Variants in RPS27L observed in about 807,000 individuals in gnomAD.
The protein encoded by RPS27L is ribosomal protein S27 like, also known as ribosomal protein eS27-like.
A neutral mutation model predicts 12.8 loss-of-function variants in RPS27L; 10 were observed. The ratio of observed to expected loss-of-function variants is 0.78; its 90% confidence interval spans 0.48 to 1.33. RPS27L has a LOEUF of 1.33. Among genes scored for constraint, RPS27L ranks in the 40% most tolerant of loss-of-function variants. RPS27L has a pLI of 0.00. For missense variants in RPS27L, 81 were observed against 97.4 expected (o/e 0.83, Z 0.71); for synonymous variants, 26 against 32.3 (o/e 0.81, Z 0.66).
Position 63,155,296 on chromosome 15 carries a change from A to T in RPS27L, c.226+325T>A, listed in dbSNP as rs147945039. On this transcript the variant is annotated intron_variant, in intron 3 of 3. Coordinates refer to ENST00000330964, the MANE Select transcript of RPS27L (RefSeq NM_015920.4). ...GAGCGAGACTCCTAATAAAAAAAAA[A>T]AATAATAAATAAATAAATAAATAAA... 5.5e-3 allele frequency: 1,224 copies of T among 220,996 alleles called. 12 individuals are homozygous for T. The highest frequency in any genetic ancestry group is 0.024 in the Middle Eastern group (16 of 672). 13.7% of individuals were successfully genotyped at this position (220,996 alleles called of 1,614,324 possible). A position where few individuals can be genotyped will look rare whatever the true frequency, so the allele number is the denominator to read the frequency against.
chr15:63,157,415 C>G lies in RPS27L; in HGVS notation c.-10G>C. ...AACAACTCACAGGCATGTTGATCCT[C>G]TTGCAAGCTCAGCCCTACCAGACCT... On this transcript the variant is annotated 5_prime_UTR_variant, in exon 1 of 4. Transcript: ENST00000330964. 1 of 1,614,172 alleles carries G rather than the reference C, an allele frequency of 6.2e-7. No individual in the cohort carries two copies. The highest frequency in any genetic ancestry group is 8.5e-7 in the Non-Finnish European group (1 of 1,179,990).
At position 63,153,832 on chromosome 15, in the gene RPS27L, TA is replaced by T. The variant is rs2037315701; in HGVS notation, c.*199del. The T allele has an allele frequency of 3.5e-6, 2 of 569,416 alleles. No individual in the cohort carries two copies. Among genetic ancestry groups the T allele is most frequent in the South Asian group, 2.6e-5 (1 of 38,832 alleles). The allele number at this position is 569,416 out of a possible 1,614,324, so 35.3% of individuals were successfully genotyped here. ...ATGTATGGCATACTCAAATATATTT[TA>T]AAAAAAGAAAAAGAGGGGATTTGCC... On this transcript the variant is annotated 3_prime_UTR_variant, in exon 4 of 4. Transcript: ENST00000330964.
At chr15:63,154,861 T>G (rs1323522146) in intron 3 of RPS27L, 1 of 152,022 alleles carries the variant, frequency 6.6e-6, no homozygotes. Flanking sequence ...AAGTAAAATC[T>G]CTGGCATTTT....
rs2037288433 is a variant in RPS27L at position 63,149,808 on chromosome 15, C to T, written c.*4224G>A. ...CTTTATTTGGCCGGATGCAGTGGCT[C>T]ACACCTGTAATGCCAGCACTTTGGG... On this transcript the variant is annotated 3_prime_UTR_variant, in exon 4 of 4. Transcript: ENST00000330964. 6.6e-6 allele frequency: 1 copy of T among 152,188 alleles called. No individual in the cohort carries two copies. Among genetic ancestry groups the T allele is most frequent in the Non-Finnish European group, 1.5e-5 (1 of 68,078 alleles). 9.4% of individuals were successfully genotyped at this position (152,188 alleles called of 1,614,324 possible).
intron 1 of RPS27L, 127 bp downstream of exon 1, chr15:63,157,273 G>A: frequency 2.8e-6 from 3 of 1,076,294 alleles, no homozygotes; most frequent in Admixed American, 3.7e-5. Context: ...CGAAGACGCT[G>A]CGCAACCTGA....
Position 63,150,790 on chromosome 15 carries a change from A to T in RPS27L, c.*3242T>A, listed in dbSNP as rs1050401792. ...CAAGTAGCTGGGACTACAGGCGCCC[A>T]CCACCATGCCCGGCTAATTTTTTGT... On this transcript the variant is annotated 3_prime_UTR_variant, in exon 4 of 4. Transcript: ENST00000330964. The T allele has an allele frequency of 1.3e-5, 2 of 152,012 alleles. No homozygotes were observed. Among genetic ancestry groups the T allele is most frequent in the Non-Finnish European group, 2.9e-5 (2 of 68,036 alleles). The allele number at this position is 152,012 out of a possible 1,614,324, so 9.4% of individuals were successfully genotyped here.
chr15:63,150,880 T>A lies in RPS27L; in HGVS notation c.*3152A>T, dbSNP rs1566996683. 1 of 152,224 alleles carries A rather than the reference T, an allele frequency of 6.6e-6. No individual in the cohort carries two copies. Among genetic ancestry groups the A allele is most frequent in the Non-Finnish European group, 1.5e-5 (1 of 68,060 alleles). The allele number at this position is 152,224 out of a possible 1,614,324, so 9.4% of individuals were successfully genotyped here. On this transcript the variant is annotated 3_prime_UTR_variant, in exon 4 of 4. Coordinates refer to ENST00000330964, the MANE Select transcript of RPS27L (RefSeq NM_015920.4). ...TGGTCTCGATCTCCTGACCTCGTGA[T>A]CCACCCGCCTCGGCCTCCCAAAGTG...
At chr15:63,154,674 A>G (rs2037320350) in intron 3 of RPS27L, 1 of 152,208 alleles carries the variant, frequency 6.6e-6, no homozygotes, top group Non-Finnish European at 1.5e-5. Context: ...TTCCAGTGAG[A>G]GCATGGAACT....
chr15:63,156,895 G>A (rs1457398238), intron 1 of RPS27L: 1 of 419,246 alleles, frequency 2.4e-6, no homozygotes, highest in African/African-American at 2.1e-5. Flanking sequence ...AAGTAGACCA[G>A]ACAACGTCAG....
intron 2 of RPS27L, 64 bp downstream of exon 2, chr15:63,156,349 A>G (rs148844168): frequency 8.6e-6 from 7 of 815,350 alleles, no homozygotes; most frequent in Middle Eastern, 3.7e-4. Context: ...TTAACTATAC[A>G]CACCACACTA....
In RPS27L at chr15:63,153,865, C is replaced by G. The variant is rs2037315866; in HGVS notation, c.*167G>C. The stretch of plus-strand genomic sequence containing the variant: ...GAAAAAGAGGGGATTTGCCCATAAT[C>G]AAAACTTTATTGAAAAACTGACACC... On this transcript the variant is annotated 3_prime_UTR_variant, in exon 4 of 4. Transcript: ENST00000330964. 1.7e-6 allele frequency: 1 copy of G among 603,444 alleles called. No individual in the cohort carries two copies. The highest frequency in any genetic ancestry group is 3.0e-6 in the Non-Finnish European group (1 of 336,552). The allele number at this position is 603,444 out of a possible 1,614,324, so 37.4% of individuals were successfully genotyped here. A position where few individuals can be genotyped will look rare whatever the true frequency, so the allele number is the denominator to read the frequency against.
Position 63,150,570 on chromosome 15 carries a change from AG to A in RPS27L, c.*3461del, listed in dbSNP as rs1401590674. 1 of 152,256 alleles carries A rather than the reference AG, an allele frequency of 6.6e-6. No individual in the cohort carries two copies. The highest frequency in any genetic ancestry group is 6.5e-5 in the Admixed American group (1 of 15,286). The allele number at this position is 152,256 out of a possible 1,614,324, so 9.4% of individuals were successfully genotyped here. On this transcript the variant is annotated 3_prime_UTR_variant, in exon 4 of 4. Transcript: ENST00000330964. ...ATTAGAGCTTTATCAGATGACTTAC[AG>A]GAACGACCAGACACAAAACCATTTG...
In RPS27L at chr15:63,149,448, T is replaced by C. The variant is rs1302264866; in HGVS notation, c.*4584A>G. On this transcript the variant is annotated 3_prime_UTR_variant, in exon 4 of 4. Coordinates refer to ENST00000330964, the MANE Select transcript of RPS27L (RefSeq NM_015920.4). ...CCGGCGTGGTGGCACACGCCTGTAGTCTCAGGTACTCTGGAGGCTGAGGCA... is the reference window on the plus strand; with the variant it reads ...CCGGCGTGGTGGCACACGCCTGTAGCCTCAGGTACTCTGGAGGCTGAGGCA... 6.6e-6 allele frequency: 1 copy of C among 151,532 alleles called. No homozygotes were observed. The highest frequency in any genetic ancestry group is 1.5e-5 in the Non-Finnish European group (1 of 67,984). 9.4% of individuals were successfully genotyped at this position (151,532 alleles called of 1,614,324 possible). A position where few individuals can be genotyped will look rare whatever the true frequency, so the allele number is the denominator to read the frequency against.
rs1445077311 is a variant in RPS27L at position 63,151,643 on chromosome 15, A to T, written c.*2389T>A. On this transcript the variant is annotated 3_prime_UTR_variant, in exon 4 of 4. Coordinates refer to ENST00000330964, the MANE Select transcript of RPS27L (RefSeq NM_015920.4). ...ATAGGTTTGATTCCTTCTCATCAAA[A>T]GCTGTCATCCCACTGTCTCTCCTTA... is the stretch of plus-strand genomic sequence containing the variant. 6.6e-6 allele frequency: 1 copy of T among 152,198 alleles called. No homozygotes were observed. The highest frequency in any genetic ancestry group is 2.4e-5 in the African/African-American group (1 of 41,462). 9.4% of individuals were successfully genotyped at this position (152,198 alleles called of 1,614,324 possible). A position where few individuals can be genotyped will look rare whatever the true frequency, so the allele number is the denominator to read the frequency against.
rs2037312101 is a variant in RPS27L, at chr15:63,153,265, T to A, written c.*767A>T. 1.3e-5 allele frequency: 2 copies of A among 152,198 alleles called. No individual in the cohort carries two copies. The highest frequency in any genetic ancestry group is 4.1e-4 in the South Asian group (2 of 4,830). The allele number at this position is 152,198 out of a possible 1,614,324, so 9.4% of individuals were successfully genotyped here. On this transcript the variant is annotated 3_prime_UTR_variant, in exon 4 of 4. Transcript: ENST00000330964. Reference sequence around the variant, plus strand: ...TCCAATAAATAACTCACACCCCAGCTAGCAGTTACTGTCCTAAATTATATA... The same window carrying A: ...TCCAATAAATAACTCACACCCCAGCAAGCAGTTACTGTCCTAAATTATATA...
chr15:63,157,377 G>T, intron 1 of RPS27L, 23 bp downstream of exon 1: 4 of 1,613,960 alleles, frequency 2.5e-6, no homozygotes, highest in East Asian at 2.2e-5. Context: ...AAACAAACCC[G>T]GAGCCCGATG....
In RPS27L at chr15:63,157,295, A is replaced by G. The variant is rs571429449; in HGVS notation, c.6+105T>C. The G allele has an allele frequency of 6.3e-6, 8 of 1,268,080 alleles. No individual in the cohort carries two copies. The East Asian group carries it at 1.4e-4, about 22-fold the overall frequency. 78.6% of individuals were successfully genotyped at this position (1,268,080 alleles called of 1,614,324 possible). On this transcript the variant is annotated intron_variant, in intron 1 of 3. Coordinates refer to ENST00000330964, the MANE Select transcript of RPS27L (RefSeq NM_015920.4). ...GCTGCGCAACCTGAGCCGCCTCGCCACTCTCGGACACTACAGGCCCGAGAG... is the reference window on the plus strand; with the variant it reads ...GCTGCGCAACCTGAGCCGCCTCGCCGCTCTCGGACACTACAGGCCCGAGAG...
At chr15:63,155,291 AAAAAAAAT>A (rs1490032609) in intron 3 of RPS27L, 1 of 192,834 alleles carries the variant, frequency 5.2e-6, no homozygotes, top group African/African-American at 2.3e-5. Flanking sequence ...CCTAATAAAA[AAAAAAAAT>A]AATAAATAAA....
In RPS27L at chr15:63,150,533, A is replaced by G. The variant is rs2037293719; in HGVS notation, c.*3499T>C. 1 of 152,260 alleles carries G rather than the reference A, an allele frequency of 6.6e-6. No homozygotes were observed. Among genetic ancestry groups the G allele is most frequent in the African/African-American group, 2.4e-5 (1 of 41,478 alleles). The allele number at this position is 152,260 out of a possible 1,614,324, so 9.4% of individuals were successfully genotyped here. On this transcript the variant is annotated 3_prime_UTR_variant, in exon 4 of 4. Transcript: ENST00000330964. Reference sequence around the variant, plus strand: ...TCTGAATCATATCTCCAGAAAAATAAAACAGAAAGGAATTAGAGCTTTATC... The same window carrying G: ...TCTGAATCATATCTCCAGAAAAATAGAACAGAAAGGAATTAGAGCTTTATC...
Sources: gnomAD v4.1 joint callset for allele counts on GRCh38, gnomAD v4.1.1 for gene constraint, MANE v1.5 for transcripts, NCBI Gene and HGNC (gene_info 2026-07-23, HGNC 2026-07-21) for gene names.